RALGAPA2: variants seen among roughly 807,000 people sequenced by gnomAD.
RALGAPA2 encodes Ral GTPase activating protein catalytic subunit alpha 2.
In RALGAPA2, 139 loss-of-function variants were observed where a neutral mutation model predicts 230.4. That is an observed-to-expected ratio of 0.60 (90% CI 0.53 to 0.69). The LOEUF is 0.69. Among genes scored for constraint, RALGAPA2 ranks in the 30% least tolerant of loss-of-function variants. The pLI is 0.00. For synonymous variants in RALGAPA2, 847 were observed against 837.8 expected (o/e 1.01, Z -0.19); for missense variants, 2,163 against 2,276.0 (o/e 0.95, Z 1.01).
intron 23 of RALGAPA2, among the ~76,000 whole-genome samples, chr20:20,550,573 A>C (rs1048009711): frequency 1.1e-4 from 17 of 152,204 alleles, no homozygotes; most frequent in African/African-American, 3.6e-4. Context: ...AATGCTATTC[A>C]GCGCTGCCTC....
intron 3 of RALGAPA2, among the ~76,000 whole-genome samples, chr20:20,669,599 T>A (rs1486534444): frequency 6.6e-6 from 1 of 152,190 alleles, no homozygotes. Context: ...CCTAAGCCTA[T>A]GTAGTTTACT....
chr20:20,655,356 C>T (rs542535435), intron 3 of RALGAPA2, among the ~76,000 whole-genome samples: 15 of 151,804 alleles, frequency 9.9e-5, no homozygotes, highest in Admixed American at 3.9e-4. Context: ...CCTTGACAGA[C>T]GTTTGCACGA....
intron 35 of RALGAPA2, among the ~76,000 whole-genome samples, chr20:20,498,858 T>C (rs1418633350): frequency 1.3e-5 from 2 of 152,186 alleles, no homozygotes; most frequent in Admixed American, 6.5e-5. Context: ...GTCAAATGAA[T>C]TGGACAAATC....
At chr20:20,559,471 G>A (rs1382640131) in intron 23 of RALGAPA2, among the ~76,000 whole-genome samples, 1 of 151,986 alleles carries the variant, frequency 6.6e-6, no homozygotes, top group Non-Finnish European at 1.5e-5. Context: ...CAACAAACCC[G>A]ACACTACACC....
Position 20,620,617 on chromosome 20 carries a change from G to C in RALGAPA2, c.1247C>G (p.Pro416Arg). 6.2e-7 allele frequency: 1 copy of C among 1,609,074 alleles called. No individual in the cohort carries two copies. Among genetic ancestry groups the C allele is most frequent in the Non-Finnish European group, 8.5e-7 (1 of 1,178,212 alleles). ...NEVFHQAFLL[P>R]SCEIAVTRKV... Reference sequence around the variant, plus strand: ...TCTTGTTACAGCTATCTCACAGGAAGGCAACAAAAATGCCTGAAAGGAAAA... The same window carrying C: ...TCTTGTTACAGCTATCTCACAGGAACGCAACAAAAATGCCTGAAAGGAAAA... The change falls in exon 11 of 40, where the codon CCT becomes CGT. Residue 416 changes from proline to arginine, a missense_variant. Coordinates refer to ENST00000202677, the MANE Select transcript of RALGAPA2 (RefSeq NM_020343.4).
At chr20:20,669,485 T>C (rs1026284496) in intron 3 of RALGAPA2, among the ~76,000 whole-genome samples, 16 of 152,188 alleles carry the variant, frequency 1.1e-4, no homozygotes, top group Non-Finnish European at 1.3e-4. Flanking sequence ...CACATCCTTT[T>C]ATGGACTCTA....
intron 38 of RALGAPA2, among the ~76,000 whole-genome samples, chr20:20,399,081 A>G (rs2059777260): frequency 6.6e-6 from 1 of 152,200 alleles, no homozygotes; most frequent in Admixed American, 6.5e-5. Flanking sequence ...ACGGTGGCTC[A>G]CGCCTGTAAT....
intron 27 of RALGAPA2, among the ~76,000 whole-genome samples, 185 bp from the exon 28 acceptor site, chr20:20,526,547 G>A (rs774010446): frequency 6.6e-6 from 1 of 152,164 alleles, no homozygotes; most frequent in African/African-American, 2.4e-5. Flanking sequence ...TTTTAAAACT[G>A]TCTCTTCTCT....
intron 37 of RALGAPA2, chr20:20,471,414 ATTTTTTTTTT>A: frequency 8.0e-6 from 1 of 125,518 alleles, no homozygotes; most frequent in East Asian, 2.3e-4. Flanking sequence ...GTAAAATAAG[ATTTTTTTTTT>A]TTTTTTTTTT....
intron 11 of RALGAPA2, among the ~76,000 whole-genome samples, chr20:20,619,929 A>G (rs890124667): frequency 6.6e-6 from 1 of 152,208 alleles, no homozygotes; most frequent in African/African-American, 2.4e-5. Context: ...GGATTTATCC[A>G]ACCTATAGCT....
At chr20:20,440,024 C>A (rs2060701912) in intron 37 of RALGAPA2, among the ~76,000 whole-genome samples, 1 of 152,168 alleles carries the variant, frequency 6.6e-6, no homozygotes, top group Non-Finnish European at 1.5e-5. Flanking sequence ...GTCATAATGT[C>A]TATTTCTTAA....
intron 16 of RALGAPA2, among the ~76,000 whole-genome samples, chr20:20,594,418 G>A (rs890800331): frequency 5.9e-5 from 9 of 151,856 alleles, no homozygotes; most frequent in Admixed American, 2.6e-4. Context: ...CTTTCATAAC[G>A]AATGAAAATC....
At chr20:20,410,379 A>T (rs1400091593) in intron 38 of RALGAPA2, among the ~76,000 whole-genome samples, 1 of 152,220 alleles carries the variant, frequency 6.6e-6, no homozygotes, top group East Asian at 1.9e-4. Flanking sequence ...ACATCTAGTT[A>T]TTATTTACGT....
At position 20,465,149 on chromosome 20, in the gene RALGAPA2, TCACACACACACACACACA is replaced by T. The variant is rs74180992; in HGVS notation, c.5495+7662_5495+7679del. On this transcript the variant is annotated intron_variant, in intron 37 of 39. Transcript: ENST00000202677. ...GCTTCTTCCCTCCCCCCGCAGGCCT[TCACACACACACACACACA>T]CACACACACACACACACACACACAC... Among the ~76,000 whole-genome samples the T allele has an allele frequency of 3.6e-3, 396 of 109,240 alleles. 3 individuals carry two copies. The highest frequency in any genetic ancestry group is 0.013 in the African/African-American group (372 of 28,418). 71.7% of individuals were successfully genotyped at this position (109,240 alleles called of 152,430 possible). A position where few individuals can be genotyped will look rare whatever the true frequency, so the allele number is the denominator to read the frequency against.
chr20:20,629,494 A>G lies in RALGAPA2; in HGVS notation c.1102T>C (p.Ser368Pro). Residue 368 changes from serine to proline, a missense_variant, in exon 10 of 40, where the codon TCG becomes CCG. By Grantham distance (74) the Ser-to-Pro change is moderately conservative. Coordinates refer to ENST00000202677, the MANE Select transcript of RALGAPA2 (RefSeq NM_020343.4). ...CTGGAGTTGCTGAGTCTTCGGTCCGACAAGGTGCTGCTGTTAGAATGGCTT... is the reference window on the plus strand; with the variant it reads ...CTGGAGTTGCTGAGTCTTCGGTCCGGCAAGGTGCTGCTGTTAGAATGGCTT... ...DKSHSNSSTLSDRRLSNSSLC... is the reference protein window; with the variant it reads ...DKSHSNSSTLPDRRLSNSSLC... 1.2e-6 allele frequency: 2 copies of G among 1,613,934 alleles called. No individual in the cohort carries two copies. Among genetic ancestry groups the G allele is most frequent in the Non-Finnish European group, 1.7e-6 (2 of 1,179,884 alleles).
At chr20:20,547,241 A>G (rs2063798035) in intron 23 of RALGAPA2, among the ~76,000 whole-genome samples, 1 of 152,248 alleles carries the variant, frequency 6.6e-6, no homozygotes. Flanking sequence ...ACATTAAAAT[A>G]TCTTAAAGTA....
In RALGAPA2 at chr20:20,711,172, T is replaced by G. The variant is rs1256024130; in HGVS notation, c.106+1203A>C. On this transcript the variant is annotated intron_variant, in intron 1 of 39. Transcript: ENST00000202677. ...AATAACTTCACTTGGCAAAATCAGGTGTGGTTTGGTTTGGCTTGGGTTCTT... is the reference window on the plus strand; with the variant it reads ...AATAACTTCACTTGGCAAAATCAGGGGTGGTTTGGTTTGGCTTGGGTTCTT... 1.3e-5 allele frequency among the ~76,000 whole-genome samples: 2 copies of G among 152,290 alleles called. 1 individual carries two copies.
chr20:20,416,296 G>C (rs2060163503), intron 37 of RALGAPA2, among the ~76,000 whole-genome samples: 1 of 152,186 alleles, frequency 6.6e-6, no homozygotes, highest in Non-Finnish European at 1.5e-5. Context: ...GGAGAGTTCT[G>C]TGTCAGGCTC....
intron 37 of RALGAPA2, among the ~76,000 whole-genome samples, chr20:20,427,260 T>C (rs989151083): frequency 3.3e-5 from 5 of 152,242 alleles, no homozygotes; most frequent in Non-Finnish European, 4.4e-5. Flanking sequence ...GAAAACTTAC[T>C]GTGTTTTCTC....
Sources: gnomAD v4.1 joint callset for allele counts (sites outside exome capture counted in the v4.1 genomes callset) on GRCh38, gnomAD v4.1.1 for gene constraint, MANE v1.5 for transcripts, NCBI Gene and HGNC (gene_info 2026-07-23, HGNC 2026-07-21) for gene names.